The following TRIM9 variants were observed in gnomAD, a reference collection of about 807,000 sequenced individuals.
TRIM9 encodes tripartite motif containing 9.
In TRIM9, 26 loss-of-function variants were observed where a neutral mutation model predicts 78.3. That is an observed-to-expected ratio of 0.33 (90% confidence interval 0.24 to 0.46). The LOEUF is 0.46. TRIM9 is among the 20% of genes least tolerant of loss of function. The probability of loss-of-function intolerance (pLI) is 1.00; values close to 1 mark genes in which losing one functional copy is unlikely to be tolerated. For missense variants in TRIM9, 787 were observed against 1,036.4 expected (o/e 0.76, Z 3.30); for synonymous variants, 398 against 416.5 (o/e 0.96, Z 0.54).
At chr14:51,059,395 T>C (rs1035821277) in intron 1 of TRIM9, among the ~76,000 whole-genome samples, 2 of 152,254 alleles carry the variant, frequency 1.3e-5, no homozygotes, top group Non-Finnish European at 2.9e-5. Context: ...GGGTAGTCTA[T>C]TCTTTCAACA....
chr14:51,009,051 T>C (rs2056227276), intron 5 of TRIM9, 29 bp downstream of exon 5: 2 of 1,611,234 alleles, frequency 1.2e-6, no homozygotes, highest in South Asian at 1.1e-5. Context: ...AGGATGTTGC[T>C]CTCTGACTTG....
At chr14:51,081,327 T>TA (rs1213102168) in intron 1 of TRIM9, among the ~76,000 whole-genome samples, 6 of 152,220 alleles carry the variant, frequency 3.9e-5, no homozygotes, top group African/African-American at 1.4e-4. Flanking sequence ...AAGACTATAA[T>TA]AAAAAGGACA....
chr14:51,040,541 G>A (rs2059504203), intron 1 of TRIM9, among the ~76,000 whole-genome samples: 2 of 152,184 alleles, frequency 1.3e-5, no homozygotes, highest in African/African-American at 4.8e-5. Context: ...CCTGGAGTGA[G>A]GGATTGGACA....
intron 1 of TRIM9, among the ~76,000 whole-genome samples, chr14:51,064,916 CATAA>C (rs1464709599): frequency 6.6e-6 from 1 of 151,868 alleles, no homozygotes; most frequent in Admixed American, 6.6e-5. Flanking sequence ...CATTATAAAT[CATAA>C]ATAAAGCTTA....
intron 1 of TRIM9, among the ~76,000 whole-genome samples, chr14:51,028,543 GA>G: frequency 6.6e-6 from 1 of 152,348 alleles, no homozygotes; most frequent in Non-Finnish European, 1.5e-5. Context: ...AGCAGTGCTG[GA>G]AATTTATGAC....
intron 12 of TRIM9, among the ~76,000 whole-genome samples, chr14:50,978,509 T>G (rs949600341): frequency 6.6e-6 from 1 of 152,184 alleles, no homozygotes; most frequent in African/African-American, 2.4e-5. Flanking sequence ...TCCCTCTGTC[T>G]GGAAGGCTCC....
intron 1 of TRIM9, among the ~76,000 whole-genome samples, chr14:51,049,470 G>C (rs2060216396): frequency 6.6e-6 from 1 of 152,134 alleles, no homozygotes; most frequent in Non-Finnish European, 1.5e-5. Context: ...TTCAGAAAGA[G>C]TTACCATCCA....
intron 1 of TRIM9, among the ~76,000 whole-genome samples, chr14:51,056,135 A>G (rs1430637069): frequency 1.3e-5 from 2 of 152,248 alleles, no homozygotes; most frequent in Non-Finnish European, 2.9e-5. Flanking sequence ...TGGTACAAAA[A>G]TTATGCATAT....
At chr14:51,025,114 T>A in intron 2 of TRIM9, 151 bp downstream of exon 2, 2 of 700,320 alleles carry the variant, frequency 2.9e-6, no homozygotes, top group South Asian at 3.7e-5. Flanking sequence ...TTGAAGTTGA[T>A]CTCTATGTGT....
chr14:51,002,534 A>G (rs2055217151), intron 5 of TRIM9, among the ~76,000 whole-genome samples: 1 of 152,196 alleles, frequency 6.6e-6, no homozygotes, highest in Non-Finnish European at 1.5e-5. Context: ...AGGAGAGAAC[A>G]GCTTGGACCA....
chr14:51,037,250 A>G (rs1159763577), intron 1 of TRIM9, among the ~76,000 whole-genome samples: 1 of 152,244 alleles, frequency 6.6e-6, no homozygotes, highest in Non-Finnish European at 1.5e-5. Flanking sequence ...ATATTAATAC[A>G]GAGAGCCACT....
intron 1 of TRIM9, among the ~76,000 whole-genome samples, chr14:51,078,305 T>A (rs1211066663): frequency 6.6e-6 from 1 of 152,194 alleles, no homozygotes; most frequent in African/African-American, 2.4e-5. Context: ...TATGAACAAA[T>A]ACTAAATGAA....
intron 3 of TRIM9, 97 bp downstream of exon 3, chr14:51,022,738 C>T: frequency 6.4e-7 from 1 of 1,553,720 alleles, no homozygotes; most frequent in Admixed American, 1.9e-5. Context: ...GCATCCTCTC[C>T]TCCTGTCCAT....
rs140423041 is a variant in TRIM9, at chr14:51,021,848, G to T, written c.1041+987C>A. On this transcript the variant is annotated intron_variant, in intron 3 of 12. Coordinates refer to ENST00000684578, the MANE Select transcript of TRIM9 (RefSeq NM_001387360.1). Reference sequence around the variant, plus strand: ...CCTGGAGGACCAGTCCTGCCAATAGGGTCCCATTCTAATAGCCAGTTGATT... The same window carrying T: ...CCTGGAGGACCAGTCCTGCCAATAGTGTCCCATTCTAATAGCCAGTTGATT... Among the ~76,000 whole-genome samples the T allele has an allele frequency of 2.4e-4, 37 of 152,172 alleles. No individual in the cohort carries two copies. In the East Asian group the frequency reaches 6.9e-3, roughly 29 times the overall value.
chr14:51,038,108 G>A (rs1456837230), intron 1 of TRIM9, among the ~76,000 whole-genome samples: 1 of 152,110 alleles, frequency 6.6e-6, no homozygotes, highest in Non-Finnish European at 1.5e-5. Flanking sequence ...TAGACCTTGA[G>A]ATGGAGAGAT....
rs148865211 is a variant in TRIM9, at chr14:51,008,403, A to C, written c.1306+677T>G. On this transcript the variant is annotated intron_variant, in intron 5 of 12. Coordinates refer to ENST00000684578, the MANE Select transcript of TRIM9 (RefSeq NM_001387360.1). ...ACTTCTTGTGTATTTCAAAAGAAAC[A>C]GTTAAAAAGAAATATTTTTCAAATG... Among the ~76,000 whole-genome samples, 443 of 152,352 alleles carry C rather than the reference A, an allele frequency of 2.9e-3. 5 individuals are homozygous for C. The South Asian group carries it at 0.032, about 11-fold the overall frequency.
chr14:51,070,712 T>C (rs762526659), intron 1 of TRIM9, among the ~76,000 whole-genome samples: 3 of 152,220 alleles, frequency 2.0e-5, no homozygotes, highest in Non-Finnish European at 4.4e-5. Flanking sequence ...ATTGACTGCA[T>C]GTCTTTTACA....
At chr14:51,030,455 A>G (rs2058628551) in intron 1 of TRIM9, among the ~76,000 whole-genome samples, 1 of 152,218 alleles carries the variant, frequency 6.6e-6, no homozygotes, top group African/African-American at 2.4e-5. Context: ...GCAGATGCCA[A>G]TTTATCTCTA....
chr14:51,072,522 A>G (rs1361984130), intron 1 of TRIM9, among the ~76,000 whole-genome samples: 1 of 152,208 alleles, frequency 6.6e-6, no homozygotes, highest in Non-Finnish European at 1.5e-5. Context: ...GAGACTTACC[A>G]ATAAAAAACA....
Sources: gnomAD v4.1 joint callset for allele counts (sites outside exome capture counted in the v4.1 genomes callset) on GRCh38, gnomAD v4.1.1 for gene constraint, MANE v1.5 for transcripts, NCBI Gene and HGNC (gene_info 2026-07-23, HGNC 2026-07-21) for gene names.